Variants in PFAS observed in about 807,000 individuals in gnomAD.
PFAS encodes the protein phosphoribosylformylglycinamidine synthase.
PFAS carries 97 observed loss-of-function variants against 140.6 expected under a neutral mutation model. That is an observed-to-expected ratio of 0.69 (90% CI 0.59 to 0.82). The LOEUF (loss-of-function observed/expected upper bound fraction) is 0.82, where lower values mean the gene tolerates loss of function less well. Ranked by LOEUF, PFAS falls within the 40% of genes least tolerant of loss-of-function variation. PFAS has a pLI of 0.00. For synonymous variants in PFAS, 679 were observed against 718.8 expected (o/e 0.94, Z 0.88); for missense variants, 1,656 against 1,780.2 (o/e 0.93, Z 1.26).
chr17:8,256,446 G>T, intron 7 of PFAS, 39 bp downstream of exon 7: 2 of 1,613,906 alleles, frequency 1.2e-6, no homozygotes, highest in Non-Finnish European at 1.7e-6. Context: ...AGGACCCGGG[G>T]AGGGGAGGCC....
In PFAS at chr17:8,256,994, C is replaced by T. The variant is rs768618219; in HGVS notation, c.1075+31C>T. 6.2e-6 allele frequency: 10 copies of T among 1,612,624 alleles called. No individual in the cohort carries two copies. In the African/African-American group the frequency reaches 1.2e-4, roughly 19 times the overall value. On this transcript the variant is annotated intron_variant, in intron 9 of 27. Transcript: ENST00000314666. Reference sequence around the variant, plus strand: ...ATCTCCTTCCTCTCTATCCACCTTCCCTTCCAGATTCCTTGTCCTGGCAGG... The same window carrying T: ...ATCTCCTTCCTCTCTATCCACCTTCTCTTCCAGATTCCTTGTCCTGGCAGG...
At chr17:8,257,673 G>T in intron 9 of PFAS, 134 bp from the exon 10 acceptor site, 1 of 892,060 alleles carries the variant, frequency 1.1e-6, no homozygotes, top group East Asian at 2.5e-5. Context: ...CCTAAAGCAG[G>T]ACTTCCTGAA....
At chr17:8,247,912 G>T, upstream of PFAS, 1 of 1,376,374 alleles carries the variant, frequency 7.3e-7, no homozygotes, top group Non-Finnish European at 1.0e-6. Flanking sequence ...CGGCCAGCGA[G>T]CCCAGAGAGA....
rs1567646291 is a variant in PFAS at position 8,267,263 on chromosome 17, G to A, written c.3175+28G>A. 10 of 1,593,582 alleles carry A rather than the reference G, an allele frequency of 6.3e-6. No homozygotes were observed. The highest frequency in any genetic ancestry group is 1.7e-4 in the Middle Eastern group (1 of 6,036). ...GAGGGAGTGTGTGCAGAGGCTCCGC[G>A]TCCTGGGGGCACTGAGCCTGGATGC... On this transcript the variant is annotated intron_variant, in intron 24 of 27. Coordinates refer to ENST00000314666, the MANE Select transcript of PFAS (RefSeq NM_012393.3). The surrounding 1 kb of genome is among the most constrained non-coding windows in gnomAD (Gnocchi z 4.9).
chr17:8,258,487 G>T (rs575454205), intron 11 of PFAS, among the ~76,000 whole-genome samples: 1 of 152,204 alleles, frequency 6.6e-6, no homozygotes, highest in East Asian at 1.9e-4. Context: ...TGTACACTTG[G>T]GAGCCATGAT....
At chr17:8,250,083 A>G (rs139662443) in intron 1 of PFAS, among the ~76,000 whole-genome samples, 5 of 152,346 alleles carry the variant, frequency 3.3e-5, no homozygotes, top group East Asian at 3.9e-4. Context: ...CTAGCCATGC[A>G]TATGTCAGGG....
chr17:8,266,079 A>C lies in PFAS; in HGVS notation c.2701+62A>C. The C allele has an allele frequency of 6.5e-7, 1 of 1,541,546 alleles. No homozygotes were observed. The highest frequency in any genetic ancestry group is 8.8e-7 in the Non-Finnish European group (1 of 1,133,886). On this transcript the variant is annotated intron_variant, in intron 21 of 27. Transcript: ENST00000314666. This position sits in a 1 kb window ranked among gnomAD's most constrained non-coding sequence, Gnocchi z 5.0. ...GCCAGGCGTGCAGCAGGCGTTCACC[A>C]TCTGAGCAGTGGGGCAAAAGGGACT...
At position 8,269,566 on chromosome 17, in the gene PFAS, T is replaced by C. The variant is rs374663523; in HGVS notation, c.*302T>C. The C allele has an allele frequency of 1.1e-4, 37 of 334,348 alleles. 1 individual carries two copies. The highest frequency in any genetic ancestry group is 6.0e-4 in the African/African-American group (29 of 48,294). 20.7% of individuals were successfully genotyped at this position (334,348 alleles called of 1,614,324 possible). On this transcript the variant is annotated 3_prime_UTR_variant, in exon 28 of 28. Transcript: ENST00000314666. ...CTCCTGAGGTCCGAACAGGGGCTTC[T>C]GTTGCCCACTTCACAACACCCAGTG...
intron 1 of PFAS, among the ~76,000 whole-genome samples, chr17:8,250,448 C>T (rs917175757): frequency 6.6e-6 from 1 of 152,050 alleles, no homozygotes; most frequent in Non-Finnish European, 1.5e-5. Flanking sequence ...AAATAGATTT[C>T]CTGGTGGATT....
At chr17:8,261,342 T>C (rs1989584415) in intron 11 of PFAS, among the ~76,000 whole-genome samples, 1 of 151,562 alleles carries the variant, frequency 6.6e-6, no homozygotes, top group Non-Finnish European at 1.5e-5. Context: ...GTTCAAGCAA[T>C]TCCCCTGCCT....
chr17:8,261,486 G>A (rs1989591246), intron 11 of PFAS, among the ~76,000 whole-genome samples: 1 of 151,948 alleles, frequency 6.6e-6, no homozygotes, highest in Non-Finnish European at 1.5e-5. Flanking sequence ...TAATCCACCC[G>A]CCTCAGCCTC....
chr17:8,269,506 G>A lies in PFAS; in HGVS notation c.*242G>A. On this transcript the variant is annotated 3_prime_UTR_variant, in exon 28 of 28. Transcript: ENST00000314666. ...TTTCTCAGCCCAGGAAACAGCATGT[G>A]GTTCAGAGAAAAGAGCGACAAGGAA... The A allele has an allele frequency of 2.1e-6, 1 of 483,160 alleles. No homozygotes were observed. The highest frequency in any genetic ancestry group is 3.7e-5 in the South Asian group (1 of 27,134). The allele number at this position is 483,160 out of a possible 1,614,324, so 29.9% of individuals were successfully genotyped here.
chr17:8,250,535 G>A (rs1352724421), intron 1 of PFAS, among the ~76,000 whole-genome samples: 3 of 152,194 alleles, frequency 2.0e-5, no homozygotes, highest in Admixed American at 6.5e-5. Context: ...TTGGATGATG[G>A]TAGTGTTTAC....
chr17:8,261,518 C>T (rs1448063392), intron 11 of PFAS, among the ~76,000 whole-genome samples: 1 of 151,810 alleles, frequency 6.6e-6, no homozygotes, highest in South Asian at 2.1e-4. Flanking sequence ...GGATTACAGG[C>T]GTGAGCCACC....
chr17:8,256,038 C>A, intron 6 of PFAS, 128 bp downstream of exon 6: 1 of 825,978 alleles, frequency 1.2e-6, no homozygotes, highest in South Asian at 1.7e-5. Context: ...GGGCTCCCGT[C>A]ATCCATCAAG....
At chr17:8,268,208 T>C (rs981316916) in intron 26 of PFAS, among the ~76,000 whole-genome samples, 8 of 144,066 alleles carry the variant, frequency 5.6e-5, no homozygotes, top group Non-Finnish European at 1.1e-4. Flanking sequence ...ATTACAGGCA[T>C]GCAAAAATAC....
chr17:8,251,848 T>G (rs1427286964), intron 1 of PFAS, among the ~76,000 whole-genome samples: 4 of 151,788 alleles, frequency 2.6e-5, no homozygotes, highest in Admixed American at 2.6e-4. Context: ...ATTTTTTGTA[T>G]TTTTAATAGA....
At position 8,262,929 on chromosome 17, in the gene PFAS, T is replaced by G; in HGVS notation, c.1346T>G (p.Val449Gly). 4 of 1,613,678 alleles carry G rather than the reference T, an allele frequency of 2.5e-6. No individual in the cohort carries two copies. Among genetic ancestry groups the G allele is most frequent in the Non-Finnish European group, 3.4e-6 (4 of 1,179,670 alleles). Residue 449 changes from valine to glycine, a missense_variant, in exon 12 of 28, where the codon GTT (valine) becomes GGT (glycine). Around this residue, in one of 2 missense-constraint regions of PFAS, gnomAD observed 773 missense variants for 757.3 expected, o/e 1.02. Transcript: ENST00000314666. ...SKEAPEPGME[V>G]VKVGGPVYRI... Reference sequence around the variant, plus strand: ...CCTTCCCTTCTTACAGGCATGGAAGTTGTAAAGGTTGGAGGTCCCGTCTAC... The same window carrying G: ...CCTTCCCTTCTTACAGGCATGGAAGGTGTAAAGGTTGGAGGTCCCGTCTAC...
intron 11 of PFAS, chr17:8,262,569 G>A (rs913926051): frequency 7.3e-5 from 17 of 232,328 alleles, no homozygotes; most frequent in African/African-American, 2.8e-4. Flanking sequence ...CGAGGTGGGC[G>A]GATCACCTGA....
Sources: allele counts gnomAD v4.1 joint callset (sites outside exome capture counted in the v4.1 genomes callset), GRCh38; gene constraint gnomAD v4.1.1; regional missense constraint gnomAD v4.1.1; non-coding constraint Gnocchi (gnomAD v3.1); transcripts MANE v1.5; gene names NCBI Gene and HGNC (gene_info 2026-07-23, HGNC 2026-07-21).